The following PLCB1 variants were observed in gnomAD, a reference collection of about 807,000 sequenced individuals.
PLCB1 encodes the protein phospholipase C beta 1, also known as 1-phosphatidylinositol 4,5-bisphosphate phosphodiesterase beta-1.
In PLCB1, 46 loss-of-function variants were observed where a neutral mutation model predicts 161.8. The ratio of observed to expected loss-of-function variants is 0.28; its 90% CI spans 0.22 to 0.36. The LOEUF is 0.36. Ranked by LOEUF, PLCB1 falls within the 10% of genes least tolerant of loss-of-function variation. The probability of loss-of-function intolerance (pLI) is 1.00; values close to 1 mark genes in which losing one functional copy is unlikely to be tolerated. For missense variants in PLCB1, 1,016 were observed against 1,472.5 expected (o/e 0.69, Z 5.07); for synonymous variants, 517 against 503.7 (o/e 1.03, Z -0.35).
At chr20:8,563,035 C>A (rs980889671) in intron 3 of PLCB1, among the ~76,000 whole-genome samples, 1 of 151,866 alleles carries the variant, frequency 6.6e-6, no homozygotes, top group Admixed American at 6.6e-5. Flanking sequence ...AGTGTGTAAA[C>A]CTATGAGACT....
chr20:8,184,769 T>TTTATTATTATTATTA (rs57793768), intron 2 of PLCB1, among the ~76,000 whole-genome samples: 74 of 141,920 alleles, frequency 5.2e-4, no homozygotes, highest in African/African-American at 5.4e-4. Context: ...TGGCAATACC[T>TTTATTATTATTATTA]TTATTATTAT....
chr20:8,249,521 C>T (rs1473346530), intron 2 of PLCB1: 4 of 151,848 alleles, frequency 2.6e-5, no homozygotes, highest in Non-Finnish European at 4.4e-5. Context: ...GAACTGGAAC[C>T]CTTAAATCAT....
At chr20:8,312,247 GTCCGCT>G (rs1024496284) in intron 2 of PLCB1, among the ~76,000 whole-genome samples, 1 of 151,936 alleles carries the variant, frequency 6.6e-6, no homozygotes, top group African/African-American at 2.4e-5. Flanking sequence ...GCCTCCTCAC[GTCCGCT>G]TCTCAAGCGC....
At chr20:8,779,827 T>A (rs976546976) in intron 27 of PLCB1, among the ~76,000 whole-genome samples, 2 of 152,254 alleles carry the variant, frequency 1.3e-5, no homozygotes, top group African/African-American at 4.8e-5. Context: ...CTTTACAGCT[T>A]GTCATCAAGT....
intron 2 of PLCB1, among the ~76,000 whole-genome samples, chr20:8,225,806 G>A (rs2123171893): frequency 6.6e-6 from 1 of 152,276 alleles, no homozygotes; most frequent in African/African-American, 2.4e-5. Flanking sequence ...TGACTTTAAG[G>A]ATATAACAAT....
rs566494397 is a variant in PLCB1, at chr20:8,738,923, G to A, written c.2209-338G>A. On this transcript the variant is annotated intron_variant, in intron 20 of 31. Transcript: ENST00000338037. ...CCGAGCACTTTGGGAGGCCAAGGTG[G>A]TGGATCACCTGAGGTCGGGAGTTCG... Among the ~76,000 whole-genome samples, 8 of 152,328 alleles carry A rather than the reference G, an allele frequency of 5.3e-5. No individual in the cohort carries two copies. In the South Asian group the frequency reaches 1.4e-3, roughly 28 times the overall value.
chr20:8,242,388 C>T (rs79775441), intron 2 of PLCB1, among the ~76,000 whole-genome samples: 7,176 of 151,952 alleles, frequency 0.047, 392 homozygotes, highest in African/African-American at 0.13. Flanking sequence ...TATCATGGCA[C>T]AAGCAGCTCC....
intron 3 of PLCB1, among the ~76,000 whole-genome samples, chr20:8,387,693 T>C (rs1320662538): frequency 6.6e-6 from 1 of 152,020 alleles, no homozygotes; most frequent in African/African-American, 2.4e-5. Context: ...CCCCACAATA[T>C]CTGCAAAGCA....
At chr20:8,137,316 G>A (rs1472876251) in intron 1 of PLCB1, among the ~76,000 whole-genome samples, 2 of 152,194 alleles carry the variant, frequency 1.3e-5, no homozygotes, top group Non-Finnish European at 2.9e-5. Context: ...TTGCGAGGTG[G>A]GAATTTAGTA....
intron 2 of PLCB1, among the ~76,000 whole-genome samples, chr20:8,349,375 G>A (rs991137035): frequency 4.6e-5 from 7 of 152,266 alleles, no homozygotes; most frequent in Admixed American, 1.3e-4. Context: ...TTTTGCTAGC[G>A]TTCATGTATT....
At chr20:8,492,104 GTGT>G (rs1183191410) in intron 3 of PLCB1, among the ~76,000 whole-genome samples, 1 of 151,842 alleles carries the variant, frequency 6.6e-6, no homozygotes, top group Non-Finnish European at 1.5e-5. Flanking sequence ...TCTCCAAATT[GTGT>G]TATTTGTCTT....
chr20:8,362,034 A>T (rs1228162510), intron 2 of PLCB1, among the ~76,000 whole-genome samples: 1 of 152,204 alleles, frequency 6.6e-6, no homozygotes, highest in Non-Finnish European at 1.5e-5. Context: ...GAAAATTGTA[A>T]CAATGCCATC....
chr20:8,848,797 A>G (rs1054292405), intron 31 of PLCB1, among the ~76,000 whole-genome samples: 2 of 152,228 alleles, frequency 1.3e-5, no homozygotes, highest in African/African-American at 2.4e-5. Context: ...CCCCCCAGTG[A>G]TTCTGATGTC....
intron 31 of PLCB1, among the ~76,000 whole-genome samples, chr20:8,808,019 TGG>T (rs1984622932): frequency 6.6e-6 from 1 of 152,014 alleles, no homozygotes; most frequent in South Asian, 2.1e-4. Flanking sequence ...TTCACAGAGG[TGG>T]CAGTCACTGA....
At chr20:8,627,181 A>G (rs771788251) in intron 3 of PLCB1, among the ~76,000 whole-genome samples, 5 of 152,192 alleles carry the variant, frequency 3.3e-5, no homozygotes, top group Non-Finnish European at 5.9e-5. Context: ...TCATGCAGCC[A>G]AACAGAGAAA....
chr20:8,477,358 G>T (rs1229913964), intron 3 of PLCB1, among the ~76,000 whole-genome samples: 2 of 152,056 alleles, frequency 1.3e-5, no homozygotes, highest in Non-Finnish European at 2.9e-5. Flanking sequence ...CAGGTATTAG[G>T]ACCAAAGGAA....
intron 3 of PLCB1, among the ~76,000 whole-genome samples, chr20:8,398,707 A>C (rs902421142): frequency 6.6e-6 from 1 of 152,144 alleles, no homozygotes; most frequent in East Asian, 1.9e-4. Flanking sequence ...TCCATATATG[A>C]ATTTTGAAGG....
chr20:8,619,665 A>T (rs891878181), intron 3 of PLCB1, among the ~76,000 whole-genome samples: 2 of 152,170 alleles, frequency 1.3e-5, no homozygotes, highest in African/African-American at 4.8e-5. Flanking sequence ...TGCCTAATTT[A>T]CAAAGCTAGT....
chr20:8,258,169 A>G (rs937346364), intron 2 of PLCB1, among the ~76,000 whole-genome samples: 1 of 152,170 alleles, frequency 6.6e-6, no homozygotes, highest in Non-Finnish European at 1.5e-5. Flanking sequence ...CGTGAAGCCT[A>G]AGAAAAGTGG....
Sources: allele counts gnomAD v4.1 joint callset (sites outside exome capture counted in the v4.1 genomes callset), GRCh38; gene constraint gnomAD v4.1.1; transcripts MANE v1.5; gene names NCBI Gene and HGNC (gene_info 2026-07-23, HGNC 2026-07-21).